Variants in ZC3H6 observed in about 807,000 individuals in gnomAD.
ZC3H6 encodes the protein zinc finger CCCH domain-containing protein 6.
ZC3H6 carries 40 observed loss-of-function variants against 107.7 expected under a neutral mutation model. The observed-to-expected ratio is 0.37, with a 90% confidence interval of 0.29 to 0.48. ZC3H6 has a LOEUF of 0.48. Among genes scored for constraint, ZC3H6 ranks in the 20% least tolerant of loss-of-function variants. The pLI, the probability that ZC3H6 is intolerant of heterozygous loss-of-function variation, is 0.98. For missense variants in ZC3H6, 1,267 were observed against 1,410.4 expected (o/e 0.90, Z 1.63); for synonymous variants, 493 against 487.9 (o/e 1.01, Z -0.14).
chr2:112,294,249 CA>C (rs1676182179), intron 1 of ZC3H6, among the ~76,000 whole-genome samples: 1 of 151,964 alleles, frequency 6.6e-6, no homozygotes, highest in Non-Finnish European at 1.5e-5. Flanking sequence ...GAGTACAGAG[CA>C]GTTATCCTAC....
chr2:112,320,025 C>T lies in ZC3H6; in HGVS notation c.977-1731C>T, dbSNP rs540529195. Among the ~76,000 whole-genome samples the T allele has an allele frequency of 3.0e-3, 451 of 152,214 alleles. 3 individuals carry two copies. Among genetic ancestry groups the T allele is most frequent in the Non-Finnish European group, 1.8e-3 (125 of 68,008 alleles). On this transcript the variant is annotated intron_variant, in intron 7 of 11. Transcript: ENST00000409871. Reference sequence around the variant, plus strand: ...TCCGCTCACTGCAACCTCTGCCTCCCGGGTTCAAGCAATTCTCCTGCCTCA... The same window carrying T: ...TCCGCTCACTGCAACCTCTGCCTCCTGGGTTCAAGCAATTCTCCTGCCTCA...
chr2:112,328,938 CAA>C (rs11317176), intron 11 of ZC3H6, among the ~76,000 whole-genome samples: 191 of 115,196 alleles, frequency 1.7e-3, no homozygotes, highest in East Asian at 7.6e-3. Context: ...GACTCTGTCT[CAA>C]AAAAAAAAAA....
At chr2:112,284,567 C>T (rs372718861) in intron 1 of ZC3H6, among the ~76,000 whole-genome samples, 2 of 150,530 alleles carry the variant, frequency 1.3e-5, no homozygotes, top group South Asian at 4.2e-4. Flanking sequence ...CTCAGTGCTG[C>T]CTGTTGCTAG....
chr2:112,334,718 T>C lies in ZC3H6; in HGVS notation c.*2230T>C, dbSNP rs1677109964. 6.6e-6 allele frequency: 1 copy of C among 152,598 alleles called. No individual in the cohort carries two copies. The highest frequency in any genetic ancestry group is 1.5e-5 in the Non-Finnish European group (1 of 68,010). 9.5% of individuals were successfully genotyped at this position (152,598 alleles called of 1,614,324 possible). ...AGCATTTTTATTGTGATAACGTTAG[T>C]TTATGGGATATTCTGTCATATCCTG... On this transcript the variant is annotated 3_prime_UTR_variant, in exon 12 of 12. Transcript: ENST00000409871.
chr2:112,298,766 A>G (rs976515001), intron 1 of ZC3H6, among the ~76,000 whole-genome samples: 3 of 152,226 alleles, frequency 2.0e-5, no homozygotes, highest in African/African-American at 4.8e-5. Context: ...CACACCAACT[A>G]AAATTTCTGA....
intron 5 of ZC3H6, among the ~76,000 whole-genome samples, chr2:112,316,156 AAT>A (rs1676690991): frequency 1.3e-5 from 2 of 152,216 alleles, no homozygotes; most frequent in African/African-American, 2.4e-5. Context: ...ACCTATCAAT[AAT>A]ATGAGTGCAT....
chr2:112,291,316 GTC>G (rs1302435393), intron 1 of ZC3H6, among the ~76,000 whole-genome samples: 1 of 152,058 alleles, frequency 6.6e-6, no homozygotes, highest in Non-Finnish European at 1.5e-5. Context: ...TCACTGCAAT[GTC>G]TGTCTCCTGG....
chr2:112,283,761 G>T (rs557167409), intron 1 of ZC3H6, among the ~76,000 whole-genome samples: 1 of 152,268 alleles, frequency 6.6e-6, no homozygotes, highest in South Asian at 2.1e-4. Flanking sequence ...TCTTTCCCTT[G>T]CTTCATAAGG....
chr2:112,289,350 CTCTTGT>C (rs1558946757), intron 1 of ZC3H6, among the ~76,000 whole-genome samples: 18 of 129,986 alleles, frequency 1.4e-4, no homozygotes, highest in Non-Finnish European at 4.8e-5. Flanking sequence ...GAGATGGAGT[CTCTTGT>C]TCTTGTCGCC....
Position 112,324,657 on chromosome 2 carries a change from T to A in ZC3H6, c.1846T>A (p.Ser616Thr). 1 of 1,577,530 alleles carries A rather than the reference T, an allele frequency of 6.3e-7. No individual in the cohort carries two copies. The highest frequency in any genetic ancestry group is 8.6e-7 in the Non-Finnish European group (1 of 1,165,540). ...ACATAATTTTCAGCCACCCAATAAC[T>A]CTGGTGGTAAGTTTACTTTTTTGAA... ...SIHNFQPPNN[S>T]GDGMWHGEFA... Residue 616 changes from serine to threonine, a missense_variant, in exon 10 of 12, where the codon TCT (serine) becomes ACT (threonine). Ser to Thr is a moderately conservative substitution (Grantham distance 58, BLOSUM62 1). This residue lies in a region of ZC3H6 where 925 missense variants were observed against 1,025.7 expected (regional missense o/e 0.90). Transcript: ENST00000409871.
rs1677165042 is a variant in ZC3H6 at position 112,338,095 on chromosome 2, T to G, written c.*5607T>G. 6.6e-6 allele frequency: 1 copy of G among 152,150 alleles called. No individual in the cohort carries two copies. Among genetic ancestry groups the G allele is most frequent in the African/African-American group, 2.4e-5 (1 of 41,424 alleles). The allele number at this position is 152,150 out of a possible 1,614,324, so 9.4% of individuals were successfully genotyped here. ...TTCTGAGTAGCTGGGATTATAGGCA[T>G]GCGCCACCACAACCAGCTAATTTTT... On this transcript the variant is annotated 3_prime_UTR_variant, in exon 12 of 12. Transcript: ENST00000409871.
rs1185280647 is a variant in ZC3H6 at position 112,332,853 on chromosome 2, T to G, written c.*365T>G. On this transcript the variant is annotated 3_prime_UTR_variant, in exon 12 of 12. Transcript: ENST00000409871. Reference sequence around the variant, plus strand: ...TATGGTTGTTTAGTTTCAAGCAATATGATGTACATTACTTTTGAGAAACAG... The same window carrying G: ...TATGGTTGTTTAGTTTCAAGCAATAGGATGTACATTACTTTTGAGAAACAG... 3.0e-5 allele frequency: 5 copies of G among 164,152 alleles called. No individual in the cohort carries two copies. The East Asian group carries it at 8.9e-4, about 29-fold the overall frequency. 10.2% of individuals were successfully genotyped at this position (164,152 alleles called of 1,614,324 possible).
At chr2:112,307,586 T>C (rs951516941) in intron 3 of ZC3H6, among the ~76,000 whole-genome samples, 5 of 152,138 alleles carry the variant, frequency 3.3e-5, no homozygotes, top group African/African-American at 1.2e-4. Flanking sequence ...ATATGAACCA[T>C]AAGGAATATA....
In ZC3H6 at chr2:112,317,348, A is replaced by G; in HGVS notation, c.976+16A>G. The G allele has an allele frequency of 7.7e-7, 1 of 1,291,096 alleles. No homozygotes were observed. Among genetic ancestry groups the G allele is most frequent in the Non-Finnish European group, 1.1e-6 (1 of 931,268 alleles). The allele number at this position is 1,291,096 out of a possible 1,614,324, so 80.0% of individuals were successfully genotyped here. The stretch of plus-strand genomic sequence containing the variant: ...TATATGCATAATATCCTTTATTTAA[A>G]ATGTATGTTAAATAAAATGCTGGGG... On this transcript the variant is annotated intron_variant, in intron 7 of 11. Coordinates refer to ENST00000409871, the MANE Select transcript of ZC3H6 (RefSeq NM_198581.3).
At chr2:112,281,225 C>T (rs1158795611) in intron 1 of ZC3H6, among the ~76,000 whole-genome samples, 2 of 152,068 alleles carry the variant, frequency 1.3e-5, no homozygotes, top group Non-Finnish European at 2.9e-5. Flanking sequence ...GAGCAAAGAG[C>T]CCTGATACAA....
Position 112,275,777 on chromosome 2 carries a change from T to C in ZC3H6, c.-218T>C. 1 of 459,360 alleles carries C rather than the reference T, an allele frequency of 2.2e-6. No individual in the cohort carries two copies. Among genetic ancestry groups the C allele is most frequent in the South Asian group, 3.9e-5 (1 of 25,746 alleles). 28.5% of individuals were successfully genotyped at this position (459,360 alleles called of 1,614,324 possible). ...GGCAGCGCGGGGCCGTTGCCCAGTGTTTGCAGTTAGAGCCCCATCTCTCTG... is the reference window on the plus strand; with the variant it reads ...GGCAGCGCGGGGCCGTTGCCCAGTGCTTGCAGTTAGAGCCCCATCTCTCTG... On this transcript the variant is annotated 5_prime_UTR_variant, in exon 1 of 12. Transcript: ENST00000409871.
Position 112,325,168 on chromosome 2 carries a change from A to C in ZC3H6, c.2057A>C (p.Gln686Pro). The C allele has an allele frequency of 6.2e-7, 1 of 1,614,068 alleles. No individual in the cohort carries two copies. Among genetic ancestry groups the C allele is most frequent in the Non-Finnish European group, 8.5e-7 (1 of 1,179,894 alleles). The change falls in exon 11 of 12, where the codon CAA becomes CCA. Residue 686 changes from glutamine (Q) to proline (P), a missense_variant. Around this residue, in one of 3 missense-constraint regions of ZC3H6, gnomAD observed 925 missense variants for 1,025.7 expected, o/e 0.90. Coordinates refer to ENST00000409871, the MANE Select transcript of ZC3H6 (RefSeq NM_198581.3). ...GAAGATGAAGAACAAACCAGCACCC[A>C]ACCTCATAGGGCACCAAGCAAGGAA... ...YQEDEEQTST[Q>P]PHRAPSKEED...
rs1677071897 is a variant in ZC3H6 at position 112,333,276 on chromosome 2, T to C, written c.*788T>C. 1 of 152,604 alleles carries C rather than the reference T, an allele frequency of 6.6e-6. No individual in the cohort carries two copies. Among genetic ancestry groups the C allele is most frequent in the Non-Finnish European group, 1.5e-5 (1 of 67,988 alleles). 9.5% of individuals were successfully genotyped at this position (152,604 alleles called of 1,614,324 possible). ...TTTTTGTCTTTAACAGCATAATTTA[T>C]ATTGCTTTTTCAAATGATGTAGCTG... On this transcript the variant is annotated 3_prime_UTR_variant, in exon 12 of 12. Transcript: ENST00000409871.
intron 1 of ZC3H6, among the ~76,000 whole-genome samples, chr2:112,283,727 A>G (rs537373349): frequency 6.6e-6 from 1 of 152,316 alleles, no homozygotes; most frequent in East Asian, 1.9e-4. Context: ...ACCACAGCCT[A>G]TCTGTGGCAT....
Sources: gnomAD v4.1 joint callset for allele counts (sites outside exome capture counted in the v4.1 genomes callset) on GRCh38, gnomAD v4.1.1 for gene constraint, gnomAD v4.1.1 regional missense constraint, MANE v1.5 for transcripts, NCBI Gene and HGNC (gene_info 2026-07-23, HGNC 2026-07-21) for gene names.